Variants in RAP1A observed in about 807,000 individuals in gnomAD.
RAP1A encodes ras-related protein Rap-1A.
In RAP1A, 6 loss-of-function variants were observed where a neutral mutation model predicts 26.4. The ratio of observed to expected loss-of-function variants is 0.23; its 90% CI spans 0.12 to 0.45. RAP1A has a LOEUF of 0.45. Among genes scored for constraint, RAP1A ranks in the 20% least tolerant of loss-of-function variants. The probability of loss-of-function intolerance (pLI) is 0.99; values close to 1 mark genes in which losing one functional copy is unlikely to be tolerated. For missense variants in RAP1A, 121 were observed against 217.2 expected (o/e 0.56, Z 2.78); for synonymous variants, 73 against 79.4 (o/e 0.92, Z 0.43).
chr1:111,599,386 T>C (rs2101070917), intron 1 of RAP1A, among the ~76,000 whole-genome samples: 1 of 152,262 alleles, frequency 6.6e-6, no homozygotes, highest in East Asian at 1.9e-4. Flanking sequence ...TTTGTATTTT[T>C]AGTAGAGATG....
intron 1 of RAP1A, among the ~76,000 whole-genome samples, chr1:111,580,620 G>A (rs919731391): frequency 8.5e-5 from 13 of 152,106 alleles, no homozygotes; most frequent in African/African-American, 1.2e-4. Flanking sequence ...AGGCCAAGGC[G>A]GGCGGATCAC....
intron 1 of RAP1A, among the ~76,000 whole-genome samples, chr1:111,574,280 T>C (rs1658105763): frequency 6.6e-6 from 1 of 152,168 alleles, no homozygotes; most frequent in Non-Finnish European, 1.5e-5. Flanking sequence ...TGTGCGGCCT[T>C]ATTTCTGGGT....
intron 1 of RAP1A, among the ~76,000 whole-genome samples, chr1:111,659,980 T>A (rs1161226861): frequency 6.6e-6 from 1 of 152,242 alleles, no homozygotes; most frequent in African/African-American, 2.4e-5. Flanking sequence ...TGCTGTTATT[T>A]TGAACAAACT....
intron 1 of RAP1A, chr1:111,648,451 C>G: frequency 1.1e-5 from 6 of 557,788 alleles, no homozygotes; most frequent in Non-Finnish European, 1.7e-5. Flanking sequence ...AGGTGGCGAT[C>G]TCAGCCTCTA....
At position 111,608,121 on chromosome 1, in the gene RAP1A, G is replaced by A. The variant is rs568978089; in HGVS notation, c.-28+65612G>A. On this transcript the variant is annotated intron_variant, in intron 1 of 7. Transcript: ENST00000356415. ...TTCCCAGACGGGGTGACTGCCGGGC[G>A]GAGGGGCTCCTCACTTTTCAGACGG... The A allele has an allele frequency of 2.1e-3, 347 of 166,674 alleles. 1 individual carries two copies. The highest frequency in any genetic ancestry group is 3.4e-3 in the Non-Finnish European group (269 of 78,198). 10.3% of individuals were successfully genotyped at this position (166,674 alleles called of 1,614,324 possible).
intron 1 of RAP1A, among the ~76,000 whole-genome samples, chr1:111,635,926 T>C (rs1659717367): frequency 6.6e-6 from 1 of 152,114 alleles, no homozygotes; most frequent in Non-Finnish European, 1.5e-5. Context: ...ACTGGAACAA[T>C]ATCTTATGCC....
intron 1 of RAP1A, among the ~76,000 whole-genome samples, chr1:111,650,902 C>T (rs1273348209): frequency 6.6e-6 from 1 of 151,908 alleles, no homozygotes; most frequent in African/African-American, 2.4e-5. Flanking sequence ...CCCAGGTTCA[C>T]ACCATTCTCC....
intron 1 of RAP1A, among the ~76,000 whole-genome samples, chr1:111,663,104 G>A (rs1177089928): frequency 6.6e-6 from 1 of 152,090 alleles, no homozygotes; most frequent in African/African-American, 2.4e-5. Context: ...AGTAGAGACA[G>A]GGTTTCACCA....
intron 1 of RAP1A, among the ~76,000 whole-genome samples, chr1:111,567,284 C>T (rs575091861): frequency 4.6e-5 from 7 of 152,152 alleles, no homozygotes; most frequent in African/African-American, 7.2e-5. Context: ...GGGTATCTTA[C>T]ACCAGCAGGA....
intron 1 of RAP1A, among the ~76,000 whole-genome samples, chr1:111,653,303 G>A (rs1557879282): frequency 6.6e-6 from 1 of 152,208 alleles, no homozygotes; most frequent in East Asian, 1.9e-4. Flanking sequence ...TTTGGGAGGG[G>A]TGATGAAAAT....
chr1:111,606,204 C>A (rs1658773255), intron 1 of RAP1A, among the ~76,000 whole-genome samples: 2 of 152,204 alleles, frequency 1.3e-5, no homozygotes, highest in Admixed American at 1.3e-4. Flanking sequence ...CTCTCTGAAT[C>A]TATTTAACTT....
chr1:111,557,098 T>C (rs1295693766), intron 1 of RAP1A, among the ~76,000 whole-genome samples: 2 of 151,956 alleles, frequency 1.3e-5, no homozygotes, highest in East Asian at 1.9e-4. Flanking sequence ...CAAAGAGAAA[T>C]GTTAAGACTA....
intron 1 of RAP1A, among the ~76,000 whole-genome samples, chr1:111,553,828 T>A (rs1003698127): frequency 6.6e-6 from 1 of 152,214 alleles, no homozygotes; most frequent in African/African-American, 2.4e-5. Context: ...AACACCTGTA[T>A]CAAGTCCAAA....
intron 1 of RAP1A, among the ~76,000 whole-genome samples, chr1:111,653,683 CAAAAAAAAAAAA>C (rs71099925): frequency 1.5e-5 from 1 of 65,694 alleles, no homozygotes; most frequent in Non-Finnish European, 2.8e-5. Flanking sequence ...AACTCTGTCT[CAAAAAAAAAAAA>C]AAAAAAAAAA....
chr1:111,711,380 G>C (rs1373088298), intron 7 of RAP1A, among the ~76,000 whole-genome samples: 1 of 152,122 alleles, frequency 6.6e-6, no homozygotes, highest in African/African-American at 2.4e-5. Context: ...AAAGGAAAAG[G>C]TGCCATCTCC....
intron 1 of RAP1A, among the ~76,000 whole-genome samples, chr1:111,580,197 T>C (rs1658228087): frequency 6.6e-6 from 1 of 152,194 alleles, no homozygotes; most frequent in Non-Finnish European, 1.5e-5. Flanking sequence ...TTTATACCAT[T>C]CACAAAGTCA....
chr1:111,603,738 T>A (rs1339651674), intron 1 of RAP1A, among the ~76,000 whole-genome samples: 1 of 152,340 alleles, frequency 6.6e-6, no homozygotes, highest in African/African-American at 2.4e-5. Flanking sequence ...ATCTTTTAGA[T>A]TATTTTTCAT....
chr1:111,698,109 A>T (rs887472557), intron 4 of RAP1A, among the ~76,000 whole-genome samples: 1 of 152,192 alleles, frequency 6.6e-6, no homozygotes, highest in African/African-American at 2.4e-5. Context: ...ATTCTTCTTC[A>T]TTAATACCAT....
At chr1:111,703,528 T>TA (rs1662088505) in intron 5 of RAP1A, 52 bp downstream of exon 5, 3 of 1,413,656 alleles carry the variant, frequency 2.1e-6, no homozygotes, top group Middle Eastern at 1.9e-4. Flanking sequence ...TGTGGCCAAA[T>TA]AAAAAAGTGC....
Sources: allele counts gnomAD v4.1 joint callset (sites outside exome capture counted in the v4.1 genomes callset), GRCh38; gene constraint gnomAD v4.1.1; transcripts MANE v1.5; gene names NCBI Gene and HGNC (gene_info 2026-07-23, HGNC 2026-07-21).